Variants in EPM2A observed in about 807,000 individuals in gnomAD.
EPM2A encodes EPM2A glucan phosphatase, laforin.
EPM2A carries 21 observed loss-of-function variants against 26.5 expected under a neutral mutation model. The ratio of observed to expected loss-of-function variants is 0.79; its 90% CI spans 0.56 to 1.14. The LOEUF (loss-of-function observed/expected upper bound fraction) is 1.14. EPM2A is among the 50% of genes most tolerant of loss of function. The probability of loss-of-function intolerance (pLI) is 0.00; values close to 1 mark genes in which losing one functional copy is unlikely to be tolerated. For synonymous variants in EPM2A, 217 were observed against 177.6 expected, an observed-to-expected ratio of 1.22 and a Z score of -1.76; for missense variants, 458 against 440.8, an observed-to-expected ratio of 1.04 and a Z score of -0.35.
At chr6:145,395,149 C>T (rs1298406273) in intron 4 of EPM2A, among the ~76,000 whole-genome samples, 1 of 152,068 alleles carries the variant, frequency 6.6e-6, no homozygotes, top group Non-Finnish European at 1.5e-5. Flanking sequence ...CAAGCAGCAG[C>T]TTGGAGGGCT....
chr6:145,400,110 A>G (rs1778462582), intron 4 of EPM2A, among the ~76,000 whole-genome samples: 2 of 152,138 alleles, frequency 1.3e-5, no homozygotes, highest in Admixed American at 1.3e-4. Context: ...TTTTGGCTCT[A>G]AGTCCCTTGG....
intron 2 of EPM2A, among the ~76,000 whole-genome samples, chr6:145,540,263 G>GA (rs1293083326): frequency 6.6e-6 from 1 of 152,098 alleles, no homozygotes; most frequent in Non-Finnish European, 1.5e-5. Context: ...AACACTGGTG[G>GA]AAAAAAACTG....
intron 4 of EPM2A, among the ~76,000 whole-genome samples, chr6:145,454,476 T>C (rs1376352803): frequency 3.3e-5 from 5 of 152,158 alleles, no homozygotes; most frequent in African/African-American, 1.2e-4. Flanking sequence ...TAGCATATTC[T>C]CAAGATAGTG....
chr6:145,505,379 T>TTACA (rs1007825683), intron 2 of EPM2A, among the ~76,000 whole-genome samples: 2 of 151,796 alleles, frequency 1.3e-5, no homozygotes, highest in Non-Finnish European at 2.9e-5. Context: ...TTTTTCTCTC[T>TTACA]TACACACACA....
chr6:145,573,877 C>T lies in EPM2A; in HGVS notation c.340+61368G>A, dbSNP rs139309103. The stretch of plus-strand genomic sequence containing the variant: ...CTAATTACCTGAGCTCCATAAGCCC[C>T]CTACTTTAACTGGAGGACCATAATG... On this transcript the variant is annotated intron_variant, in intron 2 of 3. Transcript: ENST00000450221. Among the ~76,000 whole-genome samples, 376 of 152,270 alleles carry T rather than the reference C, an allele frequency of 2.5e-3. 4 individuals carry two copies. Among genetic ancestry groups the T allele is most frequent in the African/African-American group, 8.5e-3 (352 of 41,562 alleles).
intron 1 of EPM2A, among the ~76,000 whole-genome samples, chr6:145,690,977 A>T (rs73579483): frequency 0.071 from 9,975 of 140,454 alleles, 1,084 homozygotes; most frequent in African/African-American, 0.24. Context: ...AGGCTGAATT[A>T]AAAAAAAAAA....
chr6:145,565,683 G>A (rs996811203), intron 2 of EPM2A, among the ~76,000 whole-genome samples: 9 of 152,092 alleles, frequency 5.9e-5, no homozygotes, highest in African/African-American at 2.2e-4. Context: ...GCTTTTTTTG[G>A]AAAGAGCTTG....
chr6:145,568,892 G>A (rs1780919529), intron 2 of EPM2A, among the ~76,000 whole-genome samples: 1 of 152,188 alleles, frequency 6.6e-6, no homozygotes, highest in Non-Finnish European at 1.5e-5. Flanking sequence ...TGGAATAATT[G>A]CTTCCCTGTA....
At chr6:145,703,103 T>C (rs1407305589) in intron 1 of EPM2A, among the ~76,000 whole-genome samples, 1 of 46,302 alleles carries the variant, frequency 2.2e-5, no homozygotes, top group Non-Finnish European at 3.6e-5. Context: ...CTTTTTTTTT[T>C]TTTTTTCGAG....
chr6:145,486,034 G>A (rs1403748340), intron 4 of EPM2A, among the ~76,000 whole-genome samples: 1 of 152,236 alleles, frequency 6.6e-6, no homozygotes, highest in Non-Finnish European at 1.5e-5. Flanking sequence ...AGATTTGGGT[G>A]AGGATACAGC....
At chr6:145,482,183 T>C (rs1779617871) in intron 4 of EPM2A, among the ~76,000 whole-genome samples, 1 of 152,190 alleles carries the variant, frequency 6.6e-6, no homozygotes, top group Admixed American at 6.6e-5. Context: ...AATTTCAGAT[T>C]CACTGTGATT....
intron 1 of EPM2A, among the ~76,000 whole-genome samples, chr6:145,733,893 CA>C (rs1776649639): frequency 6.6e-6 from 1 of 151,974 alleles, no homozygotes; most frequent in Non-Finnish European, 1.5e-5. Flanking sequence ...AAGAGACATT[CA>C]TTTCATTGAC....
At chr6:145,700,586 A>G (rs1256216619) in intron 1 of EPM2A, among the ~76,000 whole-genome samples, 1 of 152,194 alleles carries the variant, frequency 6.6e-6, no homozygotes, top group African/African-American at 2.4e-5. Flanking sequence ...GCACTTAAAT[A>G]TACAAATAAT....
At chr6:145,710,988 G>T in intron 1 of EPM2A, among the ~76,000 whole-genome samples, 1 of 115,492 alleles carries the variant, frequency 8.7e-6, no homozygotes, top group Non-Finnish European at 1.7e-5. Flanking sequence ...GGGGGAGGGG[G>T]GAGGGATAGC....
At chr6:145,501,016 G>A (rs1779882218), downstream of EPM2A, among the ~76,000 whole-genome samples, 1 of 152,168 alleles carries the variant, frequency 6.6e-6, no homozygotes, top group Admixed American at 6.5e-5. Flanking sequence ...ATGTGTGTCA[G>A]TATTCAATAA....
intron 2 of EPM2A, among the ~76,000 whole-genome samples, chr6:145,540,839 C>T (rs1225862524): frequency 6.6e-6 from 1 of 152,098 alleles, no homozygotes; most frequent in African/African-American, 2.4e-5. Context: ...ATAGAAATTA[C>T]CTTCCATTTC....
intron 4 of EPM2A, among the ~76,000 whole-genome samples, chr6:145,485,460 G>C (rs976696174): frequency 3.9e-5 from 6 of 152,186 alleles, no homozygotes; most frequent in African/African-American, 1.4e-4. Context: ...TTACTGGCAG[G>C]GGGTGGGAGA....
chr6:145,734,354 A>G (rs1025895813), intron 1 of EPM2A, among the ~76,000 whole-genome samples: 2 of 147,298 alleles, frequency 1.4e-5, no homozygotes, highest in East Asian at 3.9e-4. Flanking sequence ...CAATTTTTGT[A>G]AAAAAAAAAA....
chr6:145,400,606 T>C (rs1276535015), intron 4 of EPM2A, among the ~76,000 whole-genome samples: 2 of 152,192 alleles, frequency 1.3e-5, no homozygotes, highest in East Asian at 3.9e-4. Flanking sequence ...CTTTGTGTCC[T>C]CTGCTTCAAC....
Sources: allele counts gnomAD v4.1 joint callset (sites outside exome capture counted in the v4.1 genomes callset), GRCh38; gene constraint gnomAD v4.1.1; transcripts MANE v1.5; gene names NCBI Gene and HGNC (gene_info 2026-07-23, HGNC 2026-07-21).